The following NKTR variants were observed in gnomAD, a reference collection of about 807,000 sequenced individuals.
NKTR encodes the protein natural killer cell triggering receptor.
In NKTR, 67 loss-of-function variants were observed where a neutral mutation model predicts 156.3. The observed-to-expected ratio is 0.43, with a 90% CI of 0.35 to 0.53. NKTR has a LOEUF of 0.53. Ranked by LOEUF, NKTR falls within the 20% of genes least tolerant of loss-of-function variation. The probability of loss-of-function intolerance (pLI) is 0.01; values close to 1 mark genes in which losing one functional copy is unlikely to be tolerated. For synonymous variants in NKTR, 640 were observed against 596.6 expected (o/e 1.07, Z -1.06); for missense variants, 1,604 against 1,730.9 (o/e 0.93, Z 1.30).
chr3:42,612,091 ACT>A (rs1051360408), intron 2 of NKTR, among the ~76,000 whole-genome samples: 4 of 152,196 alleles, frequency 2.6e-5, no homozygotes, highest in East Asian at 1.9e-4. Context: ...ACAGAGCGAG[ACT>A]CTGTCTCTTA....
intron 15 of NKTR, 127 bp downstream of exon 15, chr3:42,643,522 T>G (rs1037081097): frequency 3.9e-6 from 3 of 766,538 alleles, no homozygotes; most frequent in Non-Finnish European, 6.6e-6. Flanking sequence ...AAACCATACC[T>G]TTTCTAAATG....
chr3:42,643,747 T>C (rs1482148615), intron 15 of NKTR, 155 bp from the exon 16 acceptor site: 1 of 690,168 alleles, frequency 1.4e-6, no homozygotes, highest in Non-Finnish European at 2.6e-6. Flanking sequence ...GGGCAATTGT[T>C]AAATGTTTCC....
chr3:42,614,945 C>G (rs1029213636), intron 2 of NKTR, among the ~76,000 whole-genome samples: 11 of 151,864 alleles, frequency 7.2e-5, no homozygotes, highest in Admixed American at 2.0e-4. Flanking sequence ...TTTCCTCTTG[C>G]TCTTAACAAC....
chr3:42,634,449 A>C (rs563554147), intron 10 of NKTR, among the ~76,000 whole-genome samples, 164 bp from the exon 11 acceptor site: 2 of 152,238 alleles, frequency 1.3e-5, no homozygotes, highest in Non-Finnish European at 2.9e-5. Flanking sequence ...GTTATCATTT[A>C]GTTCATTAAA....
At chr3:42,631,409 AG>A in intron 8 of NKTR, 93 bp downstream of exon 8, 2 of 1,421,530 alleles carry the variant, frequency 1.4e-6, no homozygotes, top group East Asian at 4.9e-5. Context: ...CTAGTGGTAT[AG>A]CAATAGCCCT....
chr3:42,620,033 A>G, intron 5 of NKTR: 1 of 1,534,730 alleles, frequency 6.5e-7, no homozygotes, highest in Non-Finnish European at 8.7e-7. Flanking sequence ...GGTCTTTTGC[A>G]AAATGAAAAG....
intron 6 of NKTR, chr3:42,628,311 A>G: frequency 1.0e-6 from 1 of 985,380 alleles, no homozygotes; most frequent in Non-Finnish European, 1.2e-6. Context: ...TACTGCTATA[A>G]AGGACCAAGT....
chr3:42,645,949 C>G lies in NKTR; in HGVS notation c.4363C>G (p.Pro1455Ala). 1 of 1,613,114 alleles carries G rather than the reference C, an allele frequency of 6.2e-7. No individual in the cohort carries two copies. Reference sequence around the variant, plus strand: ...CCGAAGTTACTCTCATCACCGGAGCCCCAGTGAGAGCAGCAGATACAGTTG... The same window carrying G: ...CCGAAGTTACTCTCATCACCGGAGCGCCAGTGAGAGCAGCAGATACAGTTG... ...SDRSYSHHRS[P>A]SESSRYS is the part of the protein sequence containing the mutation. Residue 1455 changes from proline to alanine, a missense_variant, in exon 17 of 17, where the codon CCC becomes GCC. By Grantham distance (27) the Pro-to-Ala change is conservative (BLOSUM62 -1). Around this residue, in one of 6 missense-constraint regions of NKTR, gnomAD observed 193 missense variants for 220.2 expected, o/e 0.88. Transcript: ENST00000232978.
chr3:42,632,886 G>A (rs1559577617), intron 9 of NKTR, 63 bp downstream of exon 9: 24 of 1,378,406 alleles, frequency 1.7e-5, no homozygotes, highest in Middle Eastern at 2.0e-4. Flanking sequence ...GGAAAAGTAT[G>A]TATAATTCTA....
chr3:42,626,058 G>A (rs2125794560), intron 6 of NKTR, among the ~76,000 whole-genome samples: 1 of 152,186 alleles, frequency 6.6e-6, no homozygotes, highest in South Asian at 2.1e-4. Flanking sequence ...TTCCCTGACA[G>A]TGTGATAGTT....
intron 3 of NKTR, among the ~76,000 whole-genome samples, chr3:42,618,223 C>T (rs909168856): frequency 2.8e-4 from 43 of 151,114 alleles, no homozygotes; most frequent in African/African-American, 7.5e-4. Flanking sequence ...TAGTGGCAGG[C>T]GCCTGTAATC....
intron 2 of NKTR, among the ~76,000 whole-genome samples, chr3:42,616,191 G>C (rs1258249261): frequency 6.6e-6 from 1 of 152,126 alleles, no homozygotes; most frequent in Non-Finnish European, 1.5e-5. Context: ...TTCTGAACAT[G>C]ATTTATGCTT....
At position 42,637,894 on chromosome 3, in the gene NKTR, TAAA is replaced by T; in HGVS notation, c.2191_2193del (p.Lys731del). 2 of 1,614,054 alleles carry T rather than the reference TAAA, an allele frequency of 1.2e-6. No homozygotes were observed. Among genetic ancestry groups the T allele is most frequent in the Non-Finnish European group, 1.7e-6 (2 of 1,179,976 alleles). On this transcript the variant is annotated inframe_deletion, in exon 13 of 17. Coordinates refer to ENST00000232978, the MANE Select transcript of NKTR (RefSeq NM_005385.4). ...CATCATCTAGATCTCATTCACGAAA[TAAA>T]TACAGTGATCATTCACAGTGTAGTA...
rs552033272 is a variant in NKTR at position 42,626,182 on chromosome 3, A to G, written c.375-4364A>G. 2.1e-4 allele frequency among the ~76,000 whole-genome samples: 31 copies of G among 147,526 alleles called. No homozygotes were observed. In the South Asian group the frequency reaches 4.1e-3, roughly 20 times the overall value. ...ACAGTCACTTATTTTTTTTTTTTGC[A>G]ACATTCATTGAAAACTCCACATTAT... On this transcript the variant is annotated intron_variant, in intron 6 of 16. Transcript: ENST00000232978.
chr3:42,600,956 T>A, intron 1 of NKTR, 28 bp from the exon 2 acceptor site: 3 of 1,358,806 alleles, frequency 2.2e-6, no homozygotes, highest in Non-Finnish European at 3.0e-6. Flanking sequence ...GCCCCTGCCC[T>A]GACCGCTTTT....
intron 16 of NKTR, among the ~76,000 whole-genome samples, 196 bp from the exon 17 acceptor site, chr3:42,645,692 A>T (rs1169856831): frequency 6.6e-6 from 1 of 152,124 alleles, no homozygotes; most frequent in Non-Finnish European, 1.5e-5. Flanking sequence ...CTCAAAAAGA[A>T]AAAGAAAAGT....
rs1395203787 is a variant in NKTR, at chr3:42,637,045, C to T, written c.1341C>T (p.His447=). 1.9e-6 allele frequency: 3 copies of T among 1,607,292 alleles called. No homozygotes were observed. The highest frequency in any genetic ancestry group is 2.2e-5 in the South Asian group (2 of 89,828). The change falls in exon 13 of 17, where the codon CAC becomes CAT. Residue 447 remains histidine (H), a synonymous_variant. Coordinates refer to ENST00000232978, the MANE Select transcript of NKTR (RefSeq NM_005385.4). ...AAAAGAAAGGGAAAAAGCAGAAACACTGCAGAAGACACAAACAAACAAAGA... is the reference window on the plus strand; with the variant it reads ...AAAAGAAAGGGAAAAAGCAGAAACATTGCAGAAGACACAAACAAACAAAGA... ...KHKKKGKKQK[H]CRRHKQTKKR...
At chr3:42,635,868 A>G (rs977161018) in intron 12 of NKTR, among the ~76,000 whole-genome samples, 2 of 151,978 alleles carry the variant, frequency 1.3e-5, no homozygotes, top group Non-Finnish European at 2.9e-5. Context: ...AGATCGTGCC[A>G]CTGCACTCCA....
intron 6 of NKTR, chr3:42,628,822 T>G (rs1037373405): frequency 8.6e-6 from 3 of 347,344 alleles, no homozygotes; most frequent in African/African-American, 6.7e-5. Context: ...GCCAACATGG[T>G]GAAACCCCGT....
Sources: allele counts gnomAD v4.1 joint callset (sites outside exome capture counted in the v4.1 genomes callset), GRCh38; gene constraint gnomAD v4.1.1; regional missense constraint gnomAD v4.1.1; transcripts MANE v1.5; gene names NCBI Gene and HGNC (gene_info 2026-07-23, HGNC 2026-07-21).